The following CYTH3 variants were observed in gnomAD, a reference collection of about 807,000 sequenced individuals.
CYTH3 encodes the protein cytohesin-3.
In CYTH3, 23 loss-of-function variants were observed where a neutral mutation model predicts 55.1. The ratio of observed to expected loss-of-function variants is 0.42; its 90% CI spans 0.30 to 0.59. CYTH3 has a LOEUF of 0.59. Among genes scored for constraint, CYTH3 ranks in the 20% least tolerant of loss-of-function variants. The pLI, the probability that CYTH3 is intolerant of heterozygous loss-of-function variation, is 0.20. For synonymous variants in CYTH3, 249 were observed against 194.9 expected (o/e 1.28, Z -2.31); for missense variants, 413 against 524.8 (o/e 0.79, Z 2.08).
intron 1 of CYTH3, among the ~76,000 whole-genome samples, chr7:6,244,809 G>T (rs1017071146): frequency 1.8e-4 from 28 of 151,382 alleles, no homozygotes; most frequent in African/African-American, 6.6e-4. Context: ...ATTTTTTTGA[G>T]ACAGATTCTT....
At chr7:6,190,312 A>C in intron 2 of CYTH3, 137 bp downstream of exon 2, 3 of 833,424 alleles carry the variant, frequency 3.6e-6, no homozygotes, top group Non-Finnish European at 5.4e-6. Flanking sequence ...GCACACACTA[A>C]ACATCTTTTT....
At chr7:6,192,505 G>A (rs1783823257) in intron 1 of CYTH3, among the ~76,000 whole-genome samples, 1 of 148,886 alleles carries the variant, frequency 6.7e-6, no homozygotes, top group Non-Finnish European at 1.5e-5. Context: ...ACAGATGTGA[G>A]CCACTGTGCC....
In CYTH3 at chr7:6,173,103, G is replaced by A. The variant is rs934204659; in HGVS notation, c.449+550C>T. 1.4e-5 allele frequency: 14 copies of A among 1,002,316 alleles called. No individual in the cohort carries two copies. The African/African-American group carries it at 2.4e-4, about 17-fold the overall frequency. The allele number at this position is 1,002,316 out of a possible 1,614,324, so 62.1% of individuals were successfully genotyped here. A position where few individuals can be genotyped will look rare whatever the true frequency, so the allele number is the denominator to read the frequency against. ...CTCAGGGTCAAGGCCCAGAACAGAT[G>A]AAGAGCCCACGCGACTCAGCCAGGG... On this transcript the variant is annotated intron_variant, in intron 6 of 12. Coordinates refer to ENST00000350796, the MANE Select transcript of CYTH3 (RefSeq NM_004227.4).
intron 5 of CYTH3, among the ~76,000 whole-genome samples, chr7:6,174,327 C>G (rs1256969236): frequency 6.6e-6 from 1 of 151,080 alleles, no homozygotes; most frequent in Non-Finnish European, 1.5e-5. Flanking sequence ...GTTGGTCAGG[C>G]TGGTCTCGAA....
chr7:6,255,788 G>A (rs1189850392), intron 1 of CYTH3, among the ~76,000 whole-genome samples: 3 of 132,492 alleles, frequency 2.3e-5, no homozygotes, highest in African/African-American at 9.3e-5. Flanking sequence ...TTTTGAGATG[G>A]AATCTCCCTC....
rs754113042 is a variant in CYTH3, at chr7:6,165,558, T to C, written c.959A>G (p.Asp320Gly). Reference protein sequence around the residue: ...LENLSIREVEDPRKPNCFELY... With the variant: ...LENLSIREVEGPRKPNCFELY... ...GGAAGAGCTTACGGGTTTCCGGGGG[T>C]CCTCCACCTCCCTGATGCTGAGGTT... The change falls in exon 11 of 13, where the codon GAC becomes GGC. Residue 320 changes from aspartate (D) to glycine (G), a missense_variant. Around this residue, in one of 4 missense-constraint regions of CYTH3, gnomAD observed 98 missense variants for 115.2 expected, o/e 0.85. Transcript: ENST00000350796. 1 of 1,613,604 alleles carries C rather than the reference T, an allele frequency of 6.2e-7. No individual in the cohort carries two copies. The highest frequency in any genetic ancestry group is 1.1e-5 in the South Asian group (1 of 91,056).
intron 1 of CYTH3, among the ~76,000 whole-genome samples, chr7:6,268,586 A>G (rs1021123710): frequency 5.3e-5 from 8 of 152,214 alleles, no homozygotes; most frequent in African/African-American, 1.9e-4. Context: ...GATTTATCTG[A>G]TAAGTCTCTT....
chr7:6,188,344 A>C (rs1355341317), intron 2 of CYTH3, among the ~76,000 whole-genome samples: 1 of 151,692 alleles, frequency 6.6e-6, no homozygotes, highest in African/African-American at 2.4e-5. Flanking sequence ...TTTTTTAAAA[A>C]AAACAAAAAA....
intron 4 of CYTH3, among the ~76,000 whole-genome samples, chr7:6,184,997 T>G (rs1665151170): frequency 6.6e-6 from 1 of 152,214 alleles, no homozygotes; most frequent in African/African-American, 2.4e-5. Context: ...CCTTAAAACA[T>G]AAGACCCAGT....
chr7:6,198,094 GA>G lies in CYTH3; in HGVS notation c.35-7564del, dbSNP rs76022025. Among the ~76,000 whole-genome samples the G allele has an allele frequency of 7.4e-3, 362 of 48,690 alleles. 1 individual carries two copies. Among genetic ancestry groups the G allele is most frequent in the East Asian group, 0.015 (13 of 876 alleles). The allele number at this position is 48,690 out of a possible 152,430, so 31.9% of individuals were successfully genotyped here. A position where few individuals can be genotyped will look rare whatever the true frequency, so the allele number is the denominator to read the frequency against. ...GAGTAACAGAGTGAGACACTCTTAA[GA>G]AAAAAAAAAAAAAAAGGAAAAAAAA... On this transcript the variant is annotated intron_variant, in intron 1 of 12. Transcript: ENST00000350796.
Position 6,171,070 on chromosome 7 carries a change from GC to G in CYTH3, c.563-93del. ...GGGGCCCGCCTGCAAGAGGTGCCCG[GC>G]CCACAGGTCGTCCTCGCTCAGGGAA... On this transcript the variant is annotated intron_variant, in intron 7 of 12. Coordinates refer to ENST00000350796, the MANE Select transcript of CYTH3 (RefSeq NM_004227.4). This position sits in a 1 kb window ranked among gnomAD's most constrained non-coding sequence, Gnocchi z 6.7. 2 of 1,590,036 alleles carry G rather than the reference GC, an allele frequency of 1.3e-6. No individual in the cohort carries two copies. The highest frequency in any genetic ancestry group is 1.7e-5 in the Admixed American group (1 of 58,826).
At chr7:6,250,636 G>C (rs938485329) in intron 1 of CYTH3, among the ~76,000 whole-genome samples, 1 of 152,190 alleles carries the variant, frequency 6.6e-6, no homozygotes, top group Non-Finnish European at 1.5e-5. Context: ...TACGTGACAT[G>C]TCCATGGAAA....
At chr7:6,219,786 T>G (rs1784512272) in intron 1 of CYTH3, among the ~76,000 whole-genome samples, 3 of 151,510 alleles carry the variant, frequency 2.0e-5, no homozygotes, top group African/African-American at 7.3e-5. Context: ...TTCCAGTAAG[T>G]TTTTTTTTAA....
At chr7:6,229,798 CAGAA>C (rs982177005) in intron 1 of CYTH3, among the ~76,000 whole-genome samples, 14 of 144,774 alleles carry the variant, frequency 9.7e-5, no homozygotes, top group African/African-American at 3.6e-4. Context: ...GCCTGGGCAA[CAGAA>C]AGAGACCCTG....
intron 1 of CYTH3, among the ~76,000 whole-genome samples, chr7:6,202,353 GC>G (rs1385918565): frequency 1.3e-5 from 2 of 152,204 alleles, no homozygotes; most frequent in African/African-American, 4.8e-5. Flanking sequence ...CCCCCGGCTG[GC>G]CTTCCAGCTG....
At chr7:6,203,591 C>G (rs1784111336) in intron 1 of CYTH3, among the ~76,000 whole-genome samples, 1 of 152,124 alleles carries the variant, frequency 6.6e-6, no homozygotes, top group African/African-American at 2.4e-5. Context: ...GTCACTAATG[C>G]CTTCGATGGT....
chr7:6,179,646 C>CT (rs1220395077), intron 4 of CYTH3, among the ~76,000 whole-genome samples: 20 of 115,174 alleles, frequency 1.7e-4, no homozygotes, highest in Non-Finnish European at 3.7e-4. Flanking sequence ...CCTCACACAC[C>CT]CCACACCCCA....
intron 9 of CYTH3, among the ~76,000 whole-genome samples, 181 bp from the exon 10 acceptor site, chr7:6,165,991 C>T (rs1428399099): frequency 1.3e-5 from 2 of 152,218 alleles, no homozygotes; most frequent in Admixed American, 6.5e-5. Flanking sequence ...ACCCCGCCCA[C>T]ACCGGCGCCC....
At chr7:6,173,461 G>A (rs540976400) in intron 6 of CYTH3, among the ~76,000 whole-genome samples, 192 bp downstream of exon 6, 5 of 152,292 alleles carry the variant, frequency 3.3e-5, no homozygotes, top group South Asian at 2.1e-4. Flanking sequence ...TATCTTAAGC[G>A]TGTGCCCCAA....
Sources: gnomAD v4.1 joint callset for allele counts (sites outside exome capture counted in the v4.1 genomes callset) on GRCh38, gnomAD v4.1.1 for gene constraint, gnomAD v4.1.1 regional missense constraint, Gnocchi (gnomAD v3.1) non-coding constraint, MANE v1.5 for transcripts, NCBI Gene and HGNC (gene_info 2026-07-23, HGNC 2026-07-21) for gene names.